Variants in ATP10B observed in about 807,000 individuals in gnomAD.
The protein encoded by ATP10B is ATPase phospholipid transporting 10B (putative).
ATP10B carries 122 observed loss-of-function variants against 141.2 expected under a neutral mutation model. That is an observed-to-expected ratio of 0.86 (90% confidence interval 0.75 to 1.00). ATP10B has a LOEUF of 1.00. Among genes scored for constraint, ATP10B ranks in the 50% least tolerant of loss-of-function variants. The probability of loss-of-function intolerance (pLI) is 0.00; values close to 1 mark genes in which losing one functional copy is unlikely to be tolerated. For synonymous variants in ATP10B, 685 were observed against 692.0 expected (o/e 0.99, Z 0.16); for missense variants, 1,876 against 1,825.3 (o/e 1.03, Z -0.51).
At chr5:160,645,621 A>G (rs995976868) in intron 8 of ATP10B, among the ~76,000 whole-genome samples, 5 of 152,220 alleles carry the variant, frequency 3.3e-5, no homozygotes, top group African/African-American at 1.2e-4. Flanking sequence ...TTCTGAGTCC[A>G]ATCAACTCTA....
At chr5:160,757,378 T>A (rs893585728) in intron 2 of ATP10B, among the ~76,000 whole-genome samples, 5 of 152,188 alleles carry the variant, frequency 3.3e-5, no homozygotes, top group Non-Finnish European at 7.3e-5. Flanking sequence ...AAAGTTGATA[T>A]GAGCAACTCA....
At position 160,636,778 on chromosome 5, in the gene ATP10B, A is replaced by G. The variant is rs372648748; in HGVS notation, c.1001-469T>C. 2.5e-4 allele frequency among the ~76,000 whole-genome samples: 38 copies of G among 151,930 alleles called. 1 individual carries two copies. The East Asian group carries it at 6.0e-3, about 24-fold the overall frequency. ...TTTCTATCCATTTATCTATCCATTCATCCATCCATCCACCTACCCATCTAC... is the reference window on the plus strand; with the variant it reads ...TTTCTATCCATTTATCTATCCATTCGTCCATCCATCCACCTACCCATCTAC... On this transcript the variant is annotated intron_variant, in intron 10 of 25. Coordinates refer to ENST00000327245, the MANE Select transcript of ATP10B (RefSeq NM_025153.3).
chr5:160,672,070 A>G (rs10043433), intron 6 of ATP10B, among the ~76,000 whole-genome samples: 97,411 of 147,616 alleles, frequency 0.66, 32,466 homozygotes, highest in Middle Eastern at 0.78. Context: ...TCTGTCTCCC[A>G]GGGTCAAGTG....
chr5:160,706,691 C>T (rs535691195), intron 3 of ATP10B, among the ~76,000 whole-genome samples: 1 of 152,206 alleles, frequency 6.6e-6, no homozygotes, highest in Non-Finnish European at 1.5e-5. Flanking sequence ...AGTTCCTTTA[C>T]CTGAGATTCT....
chr5:160,798,484 T>C (rs1772118918), intron 1 of ATP10B, among the ~76,000 whole-genome samples: 1 of 151,460 alleles, frequency 6.6e-6, no homozygotes, highest in Non-Finnish European at 1.5e-5. Flanking sequence ...AAGACAGAGG[T>C]AGAGGTTGGA....
At chr5:160,847,521 G>A (rs567658324) in intron 1 of ATP10B, among the ~76,000 whole-genome samples, 30 of 152,216 alleles carry the variant, frequency 2.0e-4, no homozygotes, top group African/African-American at 7.2e-4. Context: ...AACTCCATGT[G>A]GCACCTGCTA....
rs770669534 is a variant in ATP10B at position 160,612,836 on chromosome 5, T to G, written c.2743A>C (p.Thr915Pro). 2.5e-6 allele frequency: 4 copies of G among 1,614,112 alleles called. No homozygotes were observed. The highest frequency in any genetic ancestry group is 3.4e-6 in the Non-Finnish European group (4 of 1,179,980). ...ACCGCTGTCTCCTGCTTATCTCCAGTCAGGACCCAGAGCTGGATCCCAGCC... is the reference window on the plus strand; with the variant it reads ...ACCGCTGTCTCCTGCTTATCTCCAGGCAGGACCCAGAGCTGGATCCCAGCC... The part of the protein sequence containing the change: ...REAGIQLWVL[T>P]GDKQETAVNI... Residue 915 changes from threonine (T) to proline (P), a missense_variant, in exon 18 of 26, where the codon ACT (threonine) becomes CCT (proline). Physicochemically the swap from Thr to Pro is conservative, Grantham distance 38. Transcript: ENST00000327245.
intron 1 of ATP10B, among the ~76,000 whole-genome samples, chr5:160,816,557 G>A (rs1029926294): frequency 4.9e-4 from 75 of 152,084 alleles, no homozygotes; most frequent in African/African-American, 1.7e-3. Flanking sequence ...ATTCACAGCC[G>A]AATTCTACCA....
Position 160,688,886 on chromosome 5 carries a change from T to C in ATP10B, c.-147A>G. The C allele has an allele frequency of 6.1e-6, 6 of 985,450 alleles. No homozygotes were observed. The South Asian group carries it at 2.8e-4, about 46-fold the overall frequency. 61.0% of individuals were successfully genotyped at this position (985,450 alleles called of 1,614,324 possible). ...GTCAGCTGGCTTTTCTTAATCTAGA[T>C]GGCTGGAGTTGGGGATAGGGGATCC... On this transcript the variant is annotated 5_prime_UTR_variant, in exon 4 of 26. Transcript: ENST00000327245.
the ATP10B span, among the ~76,000 whole-genome samples, chr5:160,907,295 C>T: frequency 0.61 from 88,857 of 146,608 alleles, 27,653 homozygotes; most frequent in African/African-American, 0.8. Context: ...GATTTTTTTT[C>T]TTTAATTTAC....
chr5:160,732,841 T>C (rs1287854137), intron 2 of ATP10B, among the ~76,000 whole-genome samples: 3 of 152,176 alleles, frequency 2.0e-5, no homozygotes, highest in African/African-American at 7.2e-5. Flanking sequence ...AAGAATGTCA[T>C]TGTTTTTGTT....
At chr5:160,908,610 A>G in the ATP10B span, among the ~76,000 whole-genome samples, 1 of 152,178 alleles carries the variant, frequency 6.6e-6, no homozygotes, top group Middle Eastern at 3.2e-3. Context: ...CCCTGGGGTC[A>G]GCCAGGTTTG....
intron 4 of ATP10B, among the ~76,000 whole-genome samples, chr5:160,688,413 G>A (rs550353803): frequency 9.2e-5 from 14 of 152,288 alleles, no homozygotes; most frequent in Non-Finnish European, 1.8e-4. Context: ...TACGTGCCAT[G>A]GGAGCATTGA....
chr5:160,662,210 G>A (rs1176770241), intron 7 of ATP10B, among the ~76,000 whole-genome samples: 37 of 152,006 alleles, frequency 2.4e-4, no homozygotes, highest in Non-Finnish European at 5.0e-4. Flanking sequence ...CATGAAAATG[G>A]CCATACTGCC....
At chr5:160,823,854 A>G (rs1323264019) in intron 1 of ATP10B, among the ~76,000 whole-genome samples, 1 of 152,102 alleles carries the variant, frequency 6.6e-6, no homozygotes, top group Non-Finnish European at 1.5e-5. Context: ...ACAAAATAAC[A>G]TATTTCATAT....
chr5:160,789,820 C>A (rs552212989), intron 1 of ATP10B, among the ~76,000 whole-genome samples: 2 of 152,040 alleles, frequency 1.3e-5, no homozygotes, highest in African/African-American at 4.8e-5. Context: ...GCAATATAGC[C>A]CAGCAGGGGG....
chr5:160,604,324 T>A (rs1339854341), intron 19 of ATP10B, among the ~76,000 whole-genome samples: 1 of 152,188 alleles, frequency 6.6e-6, no homozygotes, highest in East Asian at 1.9e-4. Flanking sequence ...TCAAGAGACT[T>A]GGGCAGTTTT....
upstream of ATP10B, among the ~76,000 whole-genome samples, chr5:160,855,395 T>C (rs1753969994): frequency 6.6e-6 from 1 of 152,078 alleles, no homozygotes; most frequent in Non-Finnish European, 1.5e-5. Context: ...TGAGTATCTT[T>C]TTATGTGCTT....
intron 1 of ATP10B, among the ~76,000 whole-genome samples, chr5:160,811,875 A>G (rs190570060): frequency 1.3e-5 from 2 of 152,190 alleles, no homozygotes; most frequent in East Asian, 1.9e-4. Context: ...TAGTAGTTAC[A>G]CTAGGCTTGT....
Sources: allele counts gnomAD v4.1 joint callset (sites outside exome capture counted in the v4.1 genomes callset), GRCh38; gene constraint gnomAD v4.1.1; transcripts MANE v1.5; gene names NCBI Gene and HGNC (gene_info 2026-07-23, HGNC 2026-07-21).